The following NEDD4 variants were observed in gnomAD, a reference collection of about 807,000 sequenced individuals.
NEDD4 encodes the protein NEDD4 E3 ubiquitin protein ligase.
In NEDD4, 99 loss-of-function variants were observed where a neutral mutation model predicts 144.9. That is an observed-to-expected ratio of 0.68 (90% CI 0.58 to 0.81). NEDD4 has a LOEUF of 0.81. Among genes scored for constraint, NEDD4 ranks in the 30% least tolerant of loss-of-function variants. The pLI, the probability that NEDD4 is intolerant of heterozygous loss-of-function variation, is 0.00. For synonymous variants in NEDD4, 318 were observed against 350.6 expected, an observed-to-expected ratio of 0.91 and a Z score of 1.04; for missense variants, 985 against 1,065.9, an observed-to-expected ratio of 0.92 and a Z score of 1.06.
chr15:55,976,627 A>ATT (rs1229977936), intron 1 of NEDD4, among the ~76,000 whole-genome samples: 2,762 of 120,770 alleles, frequency 0.023, 103 homozygotes, highest in African/African-American at 0.069. Flanking sequence ...CTGGGCAAAA[A>ATT]TTTTTTTTTT....
Position 55,827,920 on chromosome 15 carries a change from C to A in NEDD4, c.*1977G>T, listed in dbSNP as rs1412508572. ...TTTTTGCTTTCTCATCTGTCTGGAA[C>A]TTCTGACAATCTGGCATGACAATGA... On this transcript the variant is annotated 3_prime_UTR_variant, in exon 29 of 29. Transcript: ENST00000435532. 1 of 152,166 alleles carries A rather than the reference C, an allele frequency of 6.6e-6. No homozygotes were observed. Among genetic ancestry groups the A allele is most frequent in the African/African-American group, 2.4e-5 (1 of 41,430 alleles). 9.4% of individuals were successfully genotyped at this position (152,166 alleles called of 1,614,324 possible).
intron 2 of NEDD4, among the ~76,000 whole-genome samples, chr15:55,953,226 G>T (rs1407364505): frequency 6.6e-6 from 1 of 151,990 alleles, no homozygotes; most frequent in African/African-American, 2.4e-5. Context: ...CTGACCTCAG[G>T]TGATCCGCCC....
intron 1 of NEDD4, among the ~76,000 whole-genome samples, chr15:55,992,625 C>T (rs1194782692): frequency 1.3e-5 from 2 of 152,184 alleles, no homozygotes; most frequent in African/African-American, 4.8e-5. Context: ...GCCTTTTCAT[C>T]TCCCACCCAT....
chr15:55,852,517 T>G lies in NEDD4; in HGVS notation c.1053A>C (p.Pro351=), dbSNP rs1203265880. 6.2e-7 allele frequency: 1 copy of G among 1,613,152 alleles called. No individual in the cohort carries two copies. Residue 351 remains proline (P), a synonymous_variant, in exon 13 of 29, where the codon CCA becomes CCC. Transcript: ENST00000435532. ...CATCTTGTTTTTCTTCCCAACCTGG[T>G]GGTAATCCAGATGAAGTAGGCAAAA... The part of the protein sequence containing the change: ...PVLLPTSSGL[P]PGWEEKQDER...
At position 55,911,654 on chromosome 15, in the gene NEDD4, C is replaced by T. The variant is rs142674363; in HGVS notation, c.291+12992G>A. 3.0e-3 allele frequency among the ~76,000 whole-genome samples: 451 copies of T among 152,034 alleles called. 3 individuals carry two copies. Among genetic ancestry groups the T allele is most frequent in the African/African-American group, 0.01 (427 of 41,474 alleles). The stretch of plus-strand genomic sequence containing the variant: ...ACGCCATTCTCCTGCCTCAGCCTCC[C>T]GTGTAGCTGGGACTACAGGCGCGCG... On this transcript the variant is annotated intron_variant, in intron 5 of 28. Transcript: ENST00000435532.
chr15:55,929,095 T>C (rs752920324), intron 4 of NEDD4, among the ~76,000 whole-genome samples: 3 of 151,944 alleles, frequency 2.0e-5, no homozygotes, highest in Non-Finnish European at 4.4e-5. Context: ...GAAGCAGGGA[T>C]GGAAGTGATG....
At chr15:55,968,447 A>C (rs1167814811) in intron 1 of NEDD4, among the ~76,000 whole-genome samples, 1 of 152,192 alleles carries the variant, frequency 6.6e-6, no homozygotes, top group Non-Finnish European at 1.5e-5. Flanking sequence ...AATGAAAAAA[A>C]CAAGGGGATA....
chr15:55,946,152 C>G (rs1323777296), intron 4 of NEDD4, among the ~76,000 whole-genome samples: 1 of 152,128 alleles, frequency 6.6e-6, no homozygotes, highest in African/African-American at 2.4e-5. Flanking sequence ...TCACACATAA[C>G]AATATTAACC....
intron 1 of NEDD4, among the ~76,000 whole-genome samples, chr15:55,969,406 T>G (rs1253368851): frequency 1.3e-5 from 2 of 152,144 alleles, no homozygotes; most frequent in African/African-American, 4.8e-5. Context: ...TGTGCTGGTC[T>G]TGGAGCCAGT....
chr15:55,916,639 T>C, intron 5 of NEDD4: 2 of 1,614,028 alleles, frequency 1.2e-6, no homozygotes, highest in Admixed American at 1.7e-5. Context: ...GACTGAACGT[T>C]TTCCTTTATT....
rs1415633761 is a variant in NEDD4, at chr15:55,830,600, T to C, written c.2528-14A>G. On this transcript the variant is annotated splice_polypyrimidine_tract_variant and intron_variant, in intron 27 of 28. Coordinates refer to ENST00000435532, the MANE Select transcript of NEDD4 (RefSeq NM_006154.4). ...GTCCATTTGAACCTATAAGGAAGAA[T>C]TTATTTGGTTTCATTTACTCTCTAC... 2.5e-6 allele frequency: 4 copies of C among 1,611,774 alleles called. No homozygotes were observed. The highest frequency in any genetic ancestry group is 3.4e-6 in the Non-Finnish European group (4 of 1,177,960).
chr15:55,855,235 C>T (rs1482308057), intron 12 of NEDD4, among the ~76,000 whole-genome samples: 1 of 152,142 alleles, frequency 6.6e-6, no homozygotes, highest in Non-Finnish European at 1.5e-5. Flanking sequence ...CTCTGCATTC[C>T]TGTGCTAGAA....
chr15:55,949,644 T>C (rs1566965443), intron 4 of NEDD4, among the ~76,000 whole-genome samples: 2 of 152,128 alleles, frequency 1.3e-5, no homozygotes, highest in African/African-American at 2.4e-5. Flanking sequence ...AGTTCATGTC[T>C]TTTGTAGGGA....
intron 18 of NEDD4, 53 bp downstream of exon 18, chr15:55,846,916 C>T: frequency 9.0e-7 from 1 of 1,114,660 alleles, no homozygotes; most frequent in South Asian, 1.4e-5. Context: ...TTTCCCATTA[C>T]TTTCCATCTA....
At chr15:55,944,323 C>A (rs1441399978) in intron 4 of NEDD4, among the ~76,000 whole-genome samples, 1 of 152,226 alleles carries the variant, frequency 6.6e-6, no homozygotes, top group Non-Finnish European at 1.5e-5. Flanking sequence ...AACTGGCAGA[C>A]CAGGAGATTC....
intron 24 of NEDD4, 74 bp downstream of exon 24, chr15:55,837,715 G>T: frequency 1.0e-6 from 1 of 998,460 alleles, no homozygotes; most frequent in Non-Finnish European, 1.5e-6. Context: ...TCTCAGATGT[G>T]ATGAGGCCTA....
Position 55,837,727 on chromosome 15 carries a change from T to C in NEDD4, c.2262+62A>G, listed in dbSNP as rs1295085975. Reference sequence around the variant, plus strand: ...TTTTCTCAGATGTGATGAGGCCTAATATTTGAAACTTATAGGTTATACTGT... The same window carrying C: ...TTTTCTCAGATGTGATGAGGCCTAACATTTGAAACTTATAGGTTATACTGT... On this transcript the variant is annotated intron_variant, in intron 24 of 28. Coordinates refer to ENST00000435532, the MANE Select transcript of NEDD4 (RefSeq NM_006154.4). 3 of 1,199,054 alleles carry C rather than the reference T, an allele frequency of 2.5e-6. No individual in the cohort carries two copies. In the African/African-American group the frequency reaches 4.6e-5, roughly 18 times the overall value. The allele number at this position is 1,199,054 out of a possible 1,614,324, so 74.3% of individuals were successfully genotyped here.
At position 55,885,038 on chromosome 15, in the gene NEDD4, G is replaced by A. The variant is rs146672648; in HGVS notation, c.292-11030C>T. ...CTCCCACAGGTCAGGGGTAAAGAAC[G>A]GATCCTAAAAGCAGCAAAAGAAACA... On this transcript the variant is annotated intron_variant, in intron 5 of 28. Transcript: ENST00000435532. Among the ~76,000 whole-genome samples the A allele has an allele frequency of 2.1e-3, 326 of 152,182 alleles. 2 individuals carry two copies. Among genetic ancestry groups the A allele is most frequent in the African/African-American group, 7.3e-3 (304 of 41,524 alleles).
chr15:55,978,204 G>A (rs969919555), intron 1 of NEDD4, among the ~76,000 whole-genome samples: 3 of 152,080 alleles, frequency 2.0e-5, no homozygotes, highest in African/African-American at 7.2e-5. Context: ...AACAATTCCA[G>A]GGGAATTATA....
Sources: gnomAD v4.1 joint callset for allele counts (sites outside exome capture counted in the v4.1 genomes callset) on GRCh38, gnomAD v4.1.1 for gene constraint, MANE v1.5 for transcripts, NCBI Gene and HGNC (gene_info 2026-07-23, HGNC 2026-07-21) for gene names.